The following USP8 variants were observed in gnomAD, a reference collection of about 807,000 sequenced individuals.
USP8 encodes ubiquitin carboxyl-terminal hydrolase 8.
A neutral mutation model predicts 130.0 loss-of-function variants in USP8; 27 were observed. The observed-to-expected ratio is 0.21, with a 90% confidence interval of 0.15 to 0.29. USP8 has a LOEUF of 0.29. USP8 is among the 10% of genes least tolerant of loss of function. The pLI is 1.00. For synonymous variants in USP8, 392 were observed against 444.1 expected, an observed-to-expected ratio of 0.88 and a Z score of 1.48; for missense variants, 1,029 against 1,312.2, an observed-to-expected ratio of 0.78 and a Z score of 3.33.
Position 50,481,149 on chromosome 15 carries a change from T to G in USP8, c.1219-332T>G, listed in dbSNP as rs1024048082. ...CAAATGGAAATATTGGGTAGGCATT[T>G]GGATACCTGGAAGTGGAACTTAAGT... On this transcript the variant is annotated intron_variant, in intron 10 of 19. Transcript: ENST00000307179. Among the ~76,000 whole-genome samples, 27 of 152,306 alleles carry G rather than the reference T, an allele frequency of 1.8e-4. 1 individual carries two copies. Among genetic ancestry groups the G allele is most frequent in the African/African-American group, 6.0e-4 (25 of 41,584 alleles).
intron 18 of USP8, among the ~76,000 whole-genome samples, chr15:50,497,973 T>G (rs1460034044): frequency 1.3e-5 from 2 of 152,198 alleles, no homozygotes; most frequent in Non-Finnish European, 2.9e-5. Context: ...TGTGTAAATT[T>G]TTCTAACAAA....
chr15:50,448,615 G>A (rs1200494878), intron 3 of USP8, among the ~76,000 whole-genome samples: 1 of 151,886 alleles, frequency 6.6e-6, no homozygotes, highest in Non-Finnish European at 1.5e-5. Context: ...CGCCTCCTGG[G>A]TTCAAGTGAT....
At chr15:50,457,318 G>A (rs1195087406) in intron 4 of USP8, among the ~76,000 whole-genome samples, 1 of 152,048 alleles carries the variant, frequency 6.6e-6, no homozygotes, top group Admixed American at 6.6e-5. Flanking sequence ...AGCCTTTTGG[G>A]AGGCCGAGGC....
chr15:50,493,985 T>C lies in USP8; in HGVS notation c.2448-85T>C, dbSNP rs1047808032. 13 of 1,443,944 alleles carry C rather than the reference T, an allele frequency of 9.0e-6. No individual in the cohort carries two copies. In the Admixed American group the frequency reaches 1.8e-4, roughly 19 times the overall value. 89.4% of individuals were successfully genotyped at this position (1,443,944 alleles called of 1,614,324 possible). On this transcript the variant is annotated intron_variant, in intron 15 of 19. Transcript: ENST00000307179. ...GTAGTGCTACAGTATGTGAATAATTTCATGTTGACATCAAGAATCTACTGT... is the reference window on the plus strand; with the variant it reads ...GTAGTGCTACAGTATGTGAATAATTCCATGTTGACATCAAGAATCTACTGT...
intron 7 of USP8, among the ~76,000 whole-genome samples, chr15:50,465,475 T>A (rs1397923713): frequency 6.6e-6 from 1 of 152,138 alleles, no homozygotes; most frequent in Non-Finnish European, 1.5e-5. Context: ...AATCTTTGCT[T>A]CTTAAAGACA....
chr15:50,509,062 G>GA lies in USP8; in HGVS notation c.*9974_*9975insA, dbSNP rs1566902429. The GA allele has an allele frequency of 1.4e-5, 2 of 147,548 alleles. No homozygotes were observed. Among genetic ancestry groups the GA allele is most frequent in the Non-Finnish European group, 3.0e-5 (2 of 67,034 alleles). 9.1% of individuals were successfully genotyped at this position (147,548 alleles called of 1,614,324 possible). On this transcript the variant is annotated 3_prime_UTR_variant, in exon 20 of 20. Transcript: ENST00000307179. The stretch of plus-strand genomic sequence containing the variant: ...GGCAGGAGAATGGCGTGAACCCGGG[G>GA]TCGGAGCTTGCAGTGAGCCAAGATC...
At chr15:50,465,266 T>C in intron 7 of USP8, 75 bp downstream of exon 7, 1 of 1,463,504 alleles carries the variant, frequency 6.8e-7, no homozygotes, top group Non-Finnish European at 9.1e-7. Flanking sequence ...TGTTACTACT[T>C]AGCATCCAAG....
At chr15:50,465,222 G>A in intron 7 of USP8, 31 bp downstream of exon 7, 1 of 1,599,318 alleles carries the variant, frequency 6.3e-7, no homozygotes, top group Non-Finnish European at 8.5e-7. Context: ...GTAGTAAACT[G>A]TGTAGTAAGT....
At chr15:50,464,750 A>G (rs1033090643) in intron 6 of USP8, among the ~76,000 whole-genome samples, 1 of 152,196 alleles carries the variant, frequency 6.6e-6, no homozygotes, top group African/African-American at 2.4e-5. Context: ...GCTACTCAGG[A>G]GGCTGAGGCA....
intron 4 of USP8, among the ~76,000 whole-genome samples, chr15:50,457,497 G>T (rs1354856783): frequency 6.6e-6 from 1 of 151,380 alleles, no homozygotes; most frequent in Non-Finnish European, 1.5e-5. Flanking sequence ...GGCAGAGGTT[G>T]CAGTGAGCTG....
intron 12 of USP8, among the ~76,000 whole-genome samples, chr15:50,486,820 C>A (rs1195529037): frequency 1.3e-5 from 2 of 152,108 alleles, no homozygotes; most frequent in Non-Finnish European, 2.9e-5. Flanking sequence ...GCACTAAAAT[C>A]TCACAAATCA....
chr15:50,433,999 C>T (rs2050016505), intron 1 of USP8, among the ~76,000 whole-genome samples: 1 of 151,880 alleles, frequency 6.6e-6, no homozygotes, highest in African/African-American at 2.4e-5. Flanking sequence ...GTCAGGTTTA[C>T]ACATCTTAAG....
rs2052755806 is a variant in USP8, at chr15:50,512,892, T to A, written c.*13804T>A. 6.6e-6 allele frequency: 1 copy of A among 152,156 alleles called. No homozygotes were observed. Among genetic ancestry groups the A allele is most frequent in the South Asian group, 2.1e-4 (1 of 4,820 alleles). The allele number at this position is 152,156 out of a possible 1,614,324, so 9.4% of individuals were successfully genotyped here. ...CTCTAAGAACTTCTTTTTATTTAAGTTGGGAAACAAAAAGATCATGTACAA... is the reference window on the plus strand; with the variant it reads ...CTCTAAGAACTTCTTTTTATTTAAGATGGGAAACAAAAAGATCATGTACAA... On this transcript the variant is annotated 3_prime_UTR_variant, in exon 20 of 20. Transcript: ENST00000307179.
At chr15:50,492,272 G>A (rs1042904519) in intron 14 of USP8, among the ~76,000 whole-genome samples, 1 of 152,116 alleles carries the variant, frequency 6.6e-6, no homozygotes, top group African/African-American at 2.4e-5. Context: ...CTACTCCACG[G>A]TATGGTTTTT....
rs370617706 is a variant in USP8, at chr15:50,497,268, T to C, written c.3038+37T>C. 13 of 1,561,692 alleles carry C rather than the reference T, an allele frequency of 8.3e-6. No individual in the cohort carries two copies. In the East Asian group the frequency reaches 1.4e-4, roughly 16 times the overall value. ...AGTTTGTCCTCCTGTTCAGTGAAAT[T>C]AAATGAGGGAATTTTAAGTTCTGTG... On this transcript the variant is annotated intron_variant, in intron 18 of 19. Coordinates refer to ENST00000307179, the MANE Select transcript of USP8 (RefSeq NM_005154.5).
At chr15:50,440,775 G>A (rs1057077097) in intron 2 of USP8, among the ~76,000 whole-genome samples, 2 of 151,988 alleles carry the variant, frequency 1.3e-5, no homozygotes, top group Non-Finnish European at 2.9e-5. Flanking sequence ...GGCTGAGATG[G>A]GAGGATCACT....
At chr15:50,484,833 G>A (rs1038469625) in intron 12 of USP8, among the ~76,000 whole-genome samples, 6 of 152,182 alleles carry the variant, frequency 3.9e-5, no homozygotes, top group Non-Finnish European at 5.9e-5. Flanking sequence ...ATTCTGACAC[G>A]TTACAACATG....
chr15:50,448,701 G>A (rs1213432353), intron 3 of USP8, among the ~76,000 whole-genome samples: 2 of 151,916 alleles, frequency 1.3e-5, no homozygotes, highest in African/African-American at 2.4e-5. Flanking sequence ...TCTATTTTTA[G>A]TAGACATGGG....
chr15:50,456,215 A>G (rs150372769), intron 4 of USP8, among the ~76,000 whole-genome samples: 340 of 152,308 alleles, frequency 2.2e-3, no homozygotes, highest in African/African-American at 7.7e-3. Context: ...GTTCCTGTCA[A>G]TATTAGTGAT....
Sources: gnomAD v4.1 joint callset for allele counts (sites outside exome capture counted in the v4.1 genomes callset) on GRCh38, gnomAD v4.1.1 for gene constraint, MANE v1.5 for transcripts, NCBI Gene and HGNC (gene_info 2026-07-23, HGNC 2026-07-21) for gene names.